Variants in LUZP2 observed in about 807,000 individuals in gnomAD.
LUZP2 encodes the protein leucine zipper protein 2.
Under a neutral mutation model 51.6 loss-of-function variants are expected in LUZP2, and 52 were observed. The ratio of observed to expected loss-of-function variants is 1.01; its 90% CI spans 0.81 to 1.27. The LOEUF is 1.27. Ranked by LOEUF, LUZP2 falls within the 50% of genes most tolerant of loss-of-function variation. The pLI, the probability that LUZP2 is intolerant of heterozygous loss-of-function variation, is 0.00. For missense variants in LUZP2, 436 were observed against 395.4 expected, an observed-to-expected ratio of 1.10 and a Z score of -0.87; for synonymous variants, 154 against 137.3, an observed-to-expected ratio of 1.12 and a Z score of -0.85.
At chr11:25,001,377 C>T (rs1181110919) in intron 9 of LUZP2, among the ~76,000 whole-genome samples, 1 of 152,114 alleles carries the variant, frequency 6.6e-6, no homozygotes, top group African/African-American at 2.4e-5. Flanking sequence ...TTTCCTTAAT[C>T]GCCTCAGAGG....
At chr11:24,794,762 C>T (rs1049995677) in intron 5 of LUZP2, among the ~76,000 whole-genome samples, 23 of 151,834 alleles carry the variant, frequency 1.5e-4, no homozygotes, top group Admixed American at 6.6e-4. Context: ...AAGTTTCTTT[C>T]AAGACTGAAA....
At chr11:24,814,887 G>C (rs1055015452) in intron 5 of LUZP2, among the ~76,000 whole-genome samples, 1 of 152,006 alleles carries the variant, frequency 6.6e-6, no homozygotes, top group Admixed American at 6.6e-5. Context: ...AGCTACTCGG[G>C]AGGCTGAGGC....
intron 9 of LUZP2, among the ~76,000 whole-genome samples, chr11:25,038,151 T>C (rs1052838901): frequency 1.3e-5 from 2 of 152,158 alleles, no homozygotes; most frequent in African/African-American, 4.8e-5. Flanking sequence ...CAATGAGTCA[T>C]AGATTTTGTC....
At chr11:25,034,551 CT>C (rs369603874) in intron 9 of LUZP2, among the ~76,000 whole-genome samples, 101 of 152,092 alleles carry the variant, frequency 6.6e-4, no homozygotes, top group Middle Eastern at 3.4e-3. Context: ...AGTTTGAGTT[CT>C]TACATTTAAA....
At chr11:24,674,384 T>G (rs913906298) in intron 1 of LUZP2, among the ~76,000 whole-genome samples, 1 of 152,204 alleles carries the variant, frequency 6.6e-6, no homozygotes, top group Non-Finnish European at 1.5e-5. Flanking sequence ...AACTTGATTT[T>G]CTCCTTCTAT....
chr11:24,907,028 T>C (rs1332944878), intron 6 of LUZP2, among the ~76,000 whole-genome samples: 1 of 152,174 alleles, frequency 6.6e-6, no homozygotes, highest in Non-Finnish European at 1.5e-5. Flanking sequence ...TTCAAAAATA[T>C]CTTTTTCTGC....
At chr11:24,968,515 A>C (rs777801839) in intron 7 of LUZP2, among the ~76,000 whole-genome samples, 1 of 152,074 alleles carries the variant, frequency 6.6e-6, no homozygotes, top group Non-Finnish European at 1.5e-5. Context: ...GAGCTCTACT[A>C]TCCTTCTACG....
At chr11:24,904,564 T>A (rs1477983998) in intron 5 of LUZP2, among the ~76,000 whole-genome samples, 1 of 152,192 alleles carries the variant, frequency 6.6e-6, no homozygotes, top group East Asian at 1.9e-4. Context: ...ATTACAGGCA[T>A]GAGCCACCAC....
rs567288567 is a variant in LUZP2 at position 24,927,859 on chromosome 11, C to T, written c.522+13321C>T. ...GTCATTATCACGATATTGATTCTAC[C>T]CATCCATGAGCATGGGATGTCTTTT... On this transcript the variant is annotated intron_variant, in intron 7 of 11. Coordinates refer to ENST00000336930, the MANE Select transcript of LUZP2 (RefSeq NM_001009909.4). 4.6e-5 allele frequency among the ~76,000 whole-genome samples: 7 copies of T among 151,940 alleles called. No individual in the cohort carries two copies. In the South Asian group the frequency reaches 1.5e-3, roughly 32 times the overall value.
At chr11:24,889,960 G>A (rs1244174785) in intron 5 of LUZP2, among the ~76,000 whole-genome samples, 1 of 152,120 alleles carries the variant, frequency 6.6e-6, no homozygotes, top group African/African-American at 2.4e-5. Flanking sequence ...GTTAAATGAT[G>A]TTCATTTCTC....
intron 1 of LUZP2, among the ~76,000 whole-genome samples, chr11:24,564,847 A>G (rs1479018210): frequency 6.6e-6 from 1 of 152,184 alleles, no homozygotes; most frequent in Non-Finnish European, 1.5e-5. Context: ...GTTACCACAG[A>G]TAAACCTTGT....
At chr11:24,774,418 TTATA>T (rs1848852416) in intron 5 of LUZP2, among the ~76,000 whole-genome samples, 1 of 133,470 alleles carries the variant, frequency 7.5e-6, no homozygotes, top group South Asian at 2.3e-4. Flanking sequence ...AATATATTCT[TTATA>T]TATCTGTAGG....
intron 5 of LUZP2, among the ~76,000 whole-genome samples, chr11:24,846,927 A>G (rs894074678): frequency 2.0e-5 from 3 of 147,922 alleles, no homozygotes; most frequent in Admixed American, 6.6e-5. Flanking sequence ...ACATACATAT[A>G]TGTATACATA....
intron 1 of LUZP2, among the ~76,000 whole-genome samples, chr11:24,514,616 G>A (rs956587585): frequency 2.0e-5 from 3 of 152,114 alleles, no homozygotes; most frequent in African/African-American, 7.2e-5. Context: ...CTGAATGGAT[G>A]TTCTTTGTTT....
intron 1 of LUZP2, among the ~76,000 whole-genome samples, chr11:24,539,437 A>T (rs1331834281): frequency 6.6e-6 from 1 of 151,932 alleles, no homozygotes; most frequent in African/African-American, 2.4e-5. Flanking sequence ...AATAACTAAA[A>T]TCCACATCCT....
chr11:24,920,763 A>G (rs919170138), intron 7 of LUZP2, among the ~76,000 whole-genome samples: 5 of 151,970 alleles, frequency 3.3e-5, no homozygotes, highest in African/African-American at 1.2e-4. Context: ...GACATAGAGT[A>G]TGGAATGATG....
At chr11:25,018,795 G>T (rs976156181) in intron 9 of LUZP2, among the ~76,000 whole-genome samples, 2 of 151,602 alleles carry the variant, frequency 1.3e-5, no homozygotes, top group African/African-American at 2.4e-5. Flanking sequence ...TTTAGTAGAG[G>T]TGGGGTTTTG....
intron 4 of LUZP2, among the ~76,000 whole-genome samples, chr11:24,759,275 T>G (rs900598264): frequency 6.6e-6 from 1 of 152,178 alleles, no homozygotes; most frequent in Non-Finnish European, 1.5e-5. Context: ...ATTGTTATGT[T>G]CTTTCAATCT....
At chr11:24,961,798 A>C (rs987149718) in intron 7 of LUZP2, among the ~76,000 whole-genome samples, 2 of 148,572 alleles carry the variant, frequency 1.3e-5, no homozygotes, top group African/African-American at 2.5e-5. Context: ...TTATGATGTT[A>C]GCTGGTTATT....
Sources: allele counts gnomAD v4.1 joint callset (sites outside exome capture counted in the v4.1 genomes callset), GRCh38; gene constraint gnomAD v4.1.1; transcripts MANE v1.5; gene names NCBI Gene and HGNC (gene_info 2026-07-23, HGNC 2026-07-21).